ENO4: variants seen among roughly 807,000 people sequenced by gnomAD.
ENO4 encodes enolase 4.
Under a neutral mutation model 63.2 loss-of-function variants are expected in ENO4, and 53 were observed. That is an observed-to-expected ratio of 0.84 (90% CI 0.67 to 1.05). The LOEUF (loss-of-function observed/expected upper bound fraction) is 1.05. ENO4 is among the 50% of genes least tolerant of loss of function. The probability of loss-of-function intolerance (pLI) is 0.00; values close to 1 mark genes in which losing one functional copy is unlikely to be tolerated. For synonymous variants in ENO4, 266 were observed against 283.8 expected, an observed-to-expected ratio of 0.94 and a Z score of 0.63; for missense variants, 719 against 772.0, an observed-to-expected ratio of 0.93 and a Z score of 0.81.
intron 10 of ENO4, 43 bp downstream of exon 10, chr10:116,874,244 C>A: frequency 2.8e-6 from 4 of 1,445,692 alleles, no homozygotes; most frequent in Non-Finnish European, 3.7e-6. Context: ...ATTTTATATG[C>A]CATAAGATAG....
chr10:116,896,399 C>G (rs1467137164), intron 10 of ENO4, among the ~76,000 whole-genome samples: 1 of 152,122 alleles, frequency 6.6e-6, no homozygotes, highest in Non-Finnish European at 1.5e-5. Flanking sequence ...AAATGTGGGA[C>G]TAGTCAACCT....
chr10:116,886,478 G>A (rs1847167745), downstream of ENO4: 1 of 1,614,108 alleles, frequency 6.2e-7, no homozygotes, highest in Non-Finnish European at 8.5e-7. Context: ...TGGGGTTCAT[G>A]TGTAGAAACA....
chr10:116,865,477 G>A (rs976058902), intron 7 of ENO4, among the ~76,000 whole-genome samples: 4 of 152,126 alleles, frequency 2.6e-5, no homozygotes, highest in Admixed American at 6.5e-5. Context: ...GAGCCACCAC[G>A]GCCAGCCAAT....
intron 10 of ENO4, among the ~76,000 whole-genome samples, chr10:116,895,631 T>C (rs1847491866): frequency 6.6e-6 from 1 of 152,180 alleles, no homozygotes; most frequent in Non-Finnish European, 1.5e-5. Flanking sequence ...ATGAAGCAAC[T>C]TAACTGCAGA....
chr10:116,879,941 C>G lies in ENO4; in HGVS notation c.1678C>G (p.Arg560Gly). 4.5e-6 allele frequency: 7 copies of G among 1,550,780 alleles called. No homozygotes were observed. The highest frequency in any genetic ancestry group is 6.1e-6 in the Non-Finnish European group (7 of 1,147,008). Residue 560 changes from arginine to glycine, a missense_variant, in exon 13 of 14, where the codon CGC becomes GGC. Coordinates refer to ENST00000341276, the MANE Select transcript of ENO4 (RefSeq NM_001242699.2). ...TGGTGAACGAGTGACTAAATACAACCGCCTTCTCACTATAGAGGAAGAACT... is the reference window on the plus strand; with the variant it reads ...TGGTGAACGAGTGACTAAATACAACGGCCTTCTCACTATAGAGGAAGAACT... Reference protein sequence around the residue: ...SRGERVTKYNRLLTIEEELVQ... With the variant: ...SRGERVTKYNGLLTIEEELVQ...
In ENO4 at chr10:116,861,167, C is replaced by A. The variant is rs1163873226; in HGVS notation, c.913C>A (p.His305Asn). The A allele has an allele frequency of 3.3e-6, 5 of 1,518,680 alleles. No homozygotes were observed. In the East Asian group the frequency reaches 9.9e-5, roughly 30 times the overall value. The allele number at this position is 1,518,680 out of a possible 1,614,324, so 94.1% of individuals were successfully genotyped here. ...AATGAAAGAAGTGATTTGTATACCCCATCCTGAATTAACAACCAAACAAGT... is the reference window on the plus strand; with the variant it reads ...AATGAAAGAAGTGATTTGTATACCCAATCCTGAATTAACAACCAAACAAGT... ...NLMKEVICIP[H>N]PELTTKQGVE... The change falls in exon 6 of 14, where the codon CAT becomes AAT. Residue 305 changes from histidine to asparagine, a missense_variant. His to Asn is a moderately conservative substitution (Grantham distance 68). Transcript: ENST00000341276.
rs1316397480 is a variant in ENO4 at position 116,868,719 on chromosome 10, A to G, written c.1047+13A>G. ...CAAAAGAGGTCAAGTAAGTCTATAT[A>G]TTGTTTACCATCCTTCCATATGACA... On this transcript the variant is annotated intron_variant, in intron 8 of 13. Transcript: ENST00000341276. The G allele has an allele frequency of 6.5e-7, 1 of 1,545,756 alleles. No homozygotes were observed. Among genetic ancestry groups the G allele is most frequent in the Non-Finnish European group, 8.8e-7 (1 of 1,142,736 alleles).
Position 116,871,188 on chromosome 10 carries a change from C to G in ENO4, c.1111C>G (p.Gln371Glu), listed in dbSNP as rs1375415211. The G allele has an allele frequency of 1.3e-6, 2 of 1,550,342 alleles. No individual in the cohort carries two copies. The highest frequency in any genetic ancestry group is 1.7e-6 in the Non-Finnish European group (2 of 1,146,932). Residue 371 changes from glutamine to glutamate, a missense_variant, in exon 9 of 14, where the codon CAG becomes GAG. By Grantham distance (29) the Gln-to-Glu change is conservative. Transcript: ENST00000341276. ...CLTINCDSIE[Q>E]PLLLIQEICA... ...AACCATTAACTGTGACTCCATAGAA[C>G]AGCCACTGCTTCTAATACAGGAAAT...
chr10:116,849,931 A>G (rs755380305), intron 1 of ENO4, 200 bp downstream of exon 1: 1 of 729,366 alleles, frequency 1.4e-6, no homozygotes, highest in African/African-American at 1.7e-5. Flanking sequence ...CCCCAGAGAA[A>G]GTGGCAGAAA....
chr10:116,877,000 C>A (rs1053913752), intron 11 of ENO4, among the ~76,000 whole-genome samples: 3 of 151,858 alleles, frequency 2.0e-5, no homozygotes, highest in Admixed American at 6.6e-5. Context: ...TAGAGGTACC[C>A]CAACTCTTAC....
chr10:116,854,940 CAAAAAAAAAAAAAA>C (rs71013620), intron 1 of ENO4, among the ~76,000 whole-genome samples: 2 of 41,524 alleles, frequency 4.8e-5, no homozygotes, highest in East Asian at 9.3e-4. Flanking sequence ...GACCCTGTCT[CAAAAAAAAAAAAAA>C]AAAAAAAAAA....
intron 11 of ENO4, 101 bp from the exon 12 acceptor site, chr10:116,879,190 G>A: frequency 1.3e-6 from 1 of 753,914 alleles, no homozygotes; most frequent in Non-Finnish European, 2.1e-6. Flanking sequence ...ACTCTTCACA[G>A]GGAAGTTTTA....
chr10:116,897,393 T>C (rs1407410495), intron 10 of ENO4, among the ~76,000 whole-genome samples: 2 of 152,192 alleles, frequency 1.3e-5, no homozygotes, highest in Admixed American at 6.5e-5. Context: ...AGTGAACACA[T>C]TGGCTAGGAA....
chr10:116,898,324 TA>T (rs76622436), intron 10 of ENO4, among the ~76,000 whole-genome samples: 575 of 138,092 alleles, frequency 4.2e-3, no homozygotes, highest in Middle Eastern at 0.015. Flanking sequence ...AGACTACATC[TA>T]AAAAAAAAAA....
At chr10:116,911,697 A>C in exon 11 of ENO4, 1 of 1,581,002 alleles carries the variant, frequency 6.3e-7, no homozygotes. Flanking sequence ...ATGGGAATAA[A>C]ACACACCACA....
chr10:116,893,029 G>T (rs1010367050), intron 10 of ENO4, among the ~76,000 whole-genome samples: 1 of 152,176 alleles, frequency 6.6e-6, no homozygotes, highest in Non-Finnish European at 1.5e-5. Flanking sequence ...TGAGAGAATT[G>T]AGAATTACTC....
intron 10 of ENO4, among the ~76,000 whole-genome samples, chr10:116,889,097 C>T (rs1847254140): frequency 6.6e-6 from 1 of 152,228 alleles, no homozygotes. Flanking sequence ...TACTAACCTT[C>T]ATCACTTCTG....
chr10:116,888,365 T>C (rs549008185), intron 10 of ENO4, among the ~76,000 whole-genome samples: 7 of 152,250 alleles, frequency 4.6e-5, no homozygotes, highest in African/African-American at 1.2e-4. Context: ...GCAGAACAAC[T>C]ATGAGTAATA....
chr10:116,850,208 C>CAGTTAATA (rs1329676217), intron 1 of ENO4: 2 of 226,794 alleles, frequency 8.8e-6, no homozygotes, highest in African/African-American at 4.7e-5. Context: ...ATCCTACTGG[C>CAGTTAATA]TCCTCTGCCG....
Sources: gnomAD v4.1 joint callset for allele counts (sites outside exome capture counted in the v4.1 genomes callset) on GRCh38, gnomAD v4.1.1 for gene constraint, MANE v1.5 for transcripts, NCBI Gene and HGNC (gene_info 2026-07-23, HGNC 2026-07-21) for gene names.